ZNF25: variants seen among roughly 807,000 people sequenced by gnomAD.
The protein encoded by ZNF25 is zinc finger protein 25.
ZNF25 carries 21 observed loss-of-function variants against 30.9 expected under a neutral mutation model. The ratio of observed to expected loss-of-function variants is 0.68; its 90% CI spans 0.48 to 0.98. The LOEUF (loss-of-function observed/expected upper bound fraction) is 0.98, where lower values mean the gene tolerates loss of function less well. Ranked by LOEUF, ZNF25 falls within the 50% of genes least tolerant of loss-of-function variation. The pLI is 0.00. For synonymous variants in ZNF25, 169 were observed against 181.3 expected (o/e 0.93, Z 0.55); for missense variants, 501 against 529.9 (o/e 0.95, Z 0.54).
chr10:37,952,626 C>T lies in ZNF25; in HGVS notation c.872G>A (p.Cys291Tyr). Residue 291 changes from cysteine to tyrosine, a missense_variant, in exon 6 of 6, where the codon TGT becomes TAT. Transcript: ENST00000302609. Reference protein sequence around the residue: ...TGEKPYKCKECGKFFSRNSHL... With the variant: ...TGEKPYKCKEYGKFFSRNSHL... ...TGAATTCCTAGAGAAGAATTTCCCA[C>T]ATTCCTTACATTTATAGGGTTTCTC... 6.2e-7 allele frequency: 1 copy of T among 1,613,942 alleles called. No homozygotes were observed.
intron 2 of ZNF25, among the ~76,000 whole-genome samples, chr10:37,959,400 G>T (rs2062720680): frequency 6.6e-6 from 1 of 152,158 alleles, no homozygotes; most frequent in Non-Finnish European, 1.5e-5. Context: ...TGGGAGAAAG[G>T]GGGAGGGCAG....
chr10:37,966,117 T>C (rs1412293945), intron 2 of ZNF25, among the ~76,000 whole-genome samples: 1 of 152,094 alleles, frequency 6.6e-6, no homozygotes. Context: ...GTTATCACAT[T>C]GCTATAAAGA....
Position 37,952,131 on chromosome 10 carries a change from T to C in ZNF25, c.1367A>G (p.Lys456Arg). 1 of 1,554,374 alleles carries C rather than the reference T, an allele frequency of 6.4e-7. No homozygotes were observed. The highest frequency in any genetic ancestry group is 8.7e-7 in the Non-Finnish European group (1 of 1,153,230). The change falls in exon 6 of 6, where the codon AAG becomes AGG. Residue 456 changes from lysine (K) to arginine (R), a missense_variant. Transcript: ENST00000302609. ...KTHTKKRNAE[K>R] ...AAGAGAATTTCCCAACTCATCTTAC[T>C]TCTCAGCATTCCTCTTCTTTGTGTG... is the stretch of plus-strand genomic sequence containing the variant.
At chr10:37,960,072 G>A (rs998266809) in intron 2 of ZNF25, among the ~76,000 whole-genome samples, 1 of 152,102 alleles carries the variant, frequency 6.6e-6, no homozygotes, top group Admixed American at 6.6e-5. Flanking sequence ...CCGCCACCAT[G>A]CTCGGCTAAT....
rs140510700 is a variant in ZNF25 at position 37,972,174 on chromosome 10, A to G, written c.-85-367T>C. Among the ~76,000 whole-genome samples, 228 of 152,348 alleles carry G rather than the reference A, an allele frequency of 1.5e-3. 1 individual carries two copies. Among genetic ancestry groups the G allele is most frequent in the African/African-American group, 5.0e-3 (209 of 41,584 alleles). On this transcript the variant is annotated intron_variant, in intron 1 of 5. Transcript: ENST00000302609. Reference sequence around the variant, plus strand: ...GGCACATAAAAGGTAATTAAGTTACATATCATAACCATTTTTTTCTATTAT... The same window carrying G: ...GGCACATAAAAGGTAATTAAGTTACGTATCATAACCATTTTTTTCTATTAT...
chr10:37,971,498 A>G (rs2135442824), intron 2 of ZNF25, among the ~76,000 whole-genome samples: 1 of 152,140 alleles, frequency 6.6e-6, no homozygotes, highest in East Asian at 1.9e-4. Flanking sequence ...AGGGTCTTGG[A>G]GCTCCCAGGG....
intron 2 of ZNF25, among the ~76,000 whole-genome samples, chr10:37,967,754 A>G (rs2063269109): frequency 6.6e-6 from 1 of 152,172 alleles, no homozygotes; most frequent in African/African-American, 2.4e-5. Context: ...GTGGGAAAAG[A>G]ATAGTCTCTT....
intron 4 of ZNF25, among the ~76,000 whole-genome samples, chr10:37,954,474 T>C (rs993076522): frequency 1.1e-4 from 16 of 152,162 alleles, no homozygotes; most frequent in African/African-American, 2.7e-4. Context: ...CTTAAAAGCA[T>C]TGGGATAAGC....
intron 4 of ZNF25, among the ~76,000 whole-genome samples, chr10:37,954,373 C>A (rs2135295624): frequency 6.6e-6 from 1 of 152,240 alleles, no homozygotes; most frequent in South Asian, 2.1e-4. Context: ...GAGGAAGAGT[C>A]CTGTAGCTTG....
chr10:37,962,736 G>A (rs945133380), intron 2 of ZNF25, among the ~76,000 whole-genome samples: 41 of 152,024 alleles, frequency 2.7e-4, no homozygotes, highest in African/African-American at 9.2e-4. Context: ...GTTACAATAG[G>A]CCCTACAAAC....
At chr10:37,964,532 C>A (rs2063077385) in intron 2 of ZNF25, among the ~76,000 whole-genome samples, 2 of 152,182 alleles carry the variant, frequency 1.3e-5, no homozygotes, top group Non-Finnish European at 2.9e-5. Flanking sequence ...CAGAGCTTGG[C>A]TGCATGTCCT....
chr10:37,961,659 T>C (rs2062878334), intron 2 of ZNF25, among the ~76,000 whole-genome samples: 1 of 152,060 alleles, frequency 6.6e-6, no homozygotes, highest in South Asian at 2.1e-4. Flanking sequence ...TGGTGGCTCA[T>C]GCCTGTAATC....
chr10:37,969,202 G>A (rs2063351696), intron 2 of ZNF25, among the ~76,000 whole-genome samples: 1 of 152,196 alleles, frequency 6.6e-6, no homozygotes, highest in African/African-American at 2.4e-5. Flanking sequence ...TGCAGCTGCT[G>A]TGGAAGTTTG....
chr10:37,963,569 G>A (rs1020804600), intron 2 of ZNF25, among the ~76,000 whole-genome samples: 1 of 152,154 alleles, frequency 6.6e-6, no homozygotes, highest in Admixed American at 6.5e-5. Flanking sequence ...TGGGAGTTGG[G>A]GACTGGTAGG....
Position 37,951,543 on chromosome 10 carries a change from C to A in ZNF25, c.*584G>T, listed in dbSNP as rs2062144332. ...TGTAGTATAACTGTTTCCCTCAGTA[C>A]AAATTATTTGAATTTTTATTGAACA... On this transcript the variant is annotated 3_prime_UTR_variant, in exon 6 of 6. Transcript: ENST00000302609. 1.3e-5 allele frequency: 2 copies of A among 152,190 alleles called. No individual in the cohort carries two copies. Among genetic ancestry groups the A allele is most frequent in the Admixed American group, 6.5e-5 (1 of 15,270 alleles). The allele number at this position is 152,190 out of a possible 1,614,324, so 9.4% of individuals were successfully genotyped here.
rs76136109 is a variant in ZNF25 at position 37,965,125 on chromosome 10, T to A, written c.15+6583A>T. On this transcript the variant is annotated intron_variant, in intron 2 of 5. Coordinates refer to ENST00000302609, the MANE Select transcript of ZNF25 (RefSeq NM_145011.4). ...TCTGCAGATGCTGAGAATGCAAGCA[T>A]GAAGGAGGCTTGGCAGCTTCCCCCT... 5.7e-3 allele frequency among the ~76,000 whole-genome samples: 865 copies of A among 152,234 alleles called. 9 individuals are homozygous for A. The highest frequency in any genetic ancestry group is 0.02 in the African/African-American group (824 of 41,546).
intron 2 of ZNF25, among the ~76,000 whole-genome samples, chr10:37,958,036 C>T (rs929530272): frequency 4.6e-5 from 7 of 152,138 alleles, no homozygotes; most frequent in Admixed American, 4.6e-4. Context: ...TGTGTAAGGA[C>T]ACTCTATGAT....
chr10:37,954,329 T>C (rs2062377829), intron 4 of ZNF25, among the ~76,000 whole-genome samples: 1 of 152,178 alleles, frequency 6.6e-6, no homozygotes, highest in Non-Finnish European at 1.5e-5. Flanking sequence ...ATTACTAAAG[T>C]GACTTTTTCA....
At chr10:37,961,258 T>G (rs1055176163) in intron 2 of ZNF25, among the ~76,000 whole-genome samples, 1 of 152,194 alleles carries the variant, frequency 6.6e-6, no homozygotes, top group East Asian at 1.9e-4. Context: ...TTCGTTGAAA[T>G]ACATCTGTAT....
Sources: gnomAD v4.1 joint callset for allele counts (sites outside exome capture counted in the v4.1 genomes callset) on GRCh38, gnomAD v4.1.1 for gene constraint, MANE v1.5 for transcripts, NCBI Gene and HGNC (gene_info 2026-07-23, HGNC 2026-07-21) for gene names.